ITPR3: variants seen among roughly 807,000 people sequenced by gnomAD.
ITPR3 encodes inositol 1,4,5-trisphosphate-gated calcium channel ITPR3.
ITPR3 carries 173 observed loss-of-function variants against 293.2 expected under a neutral mutation model. The observed-to-expected ratio is 0.59, with a 90% CI of 0.52 to 0.67. The LOEUF (loss-of-function observed/expected upper bound fraction) is 0.67, where lower values mean the gene tolerates loss of function less well. ITPR3 is among the 30% of genes least tolerant of loss of function. ITPR3 has a pLI of 0.00. For synonymous variants in ITPR3, 1,295 were observed against 1,444.4 expected, an observed-to-expected ratio of 0.90 and a Z score of 2.35; for missense variants, 2,796 against 3,592.1, an observed-to-expected ratio of 0.78 and a Z score of 5.66.
In ITPR3 at chr6:33,692,118, C is replaced by T. The variant is rs1203002781; in HGVS notation, c.7458+190C>T. Among the ~76,000 whole-genome samples the T allele has an allele frequency of 1.3e-5, 2 of 152,262 alleles. No homozygotes were observed. Among genetic ancestry groups the T allele is most frequent in the Non-Finnish European group, 2.9e-5 (2 of 68,042 alleles). On this transcript the variant is annotated intron_variant, in intron 54 of 57. Coordinates refer to ENST00000605930, the MANE Select transcript of ITPR3 (RefSeq NM_002224.4). This position sits in a 1 kb window ranked among gnomAD's most constrained non-coding sequence, Gnocchi z 4.2. ...TGATATTACTGCTTAGCTGCCCCCT[C>T]ACCCTCCCATTCCATAAGGAAAGAC... is the stretch of plus-strand genomic sequence containing the variant.
In ITPR3 at chr6:33,658,751, ACT is replaced by A; in HGVS notation, c.454_455del (p.Leu152GlyfsTer103). Reference sequence around the variant, plus strand: ...GCTGGAGAAGAACGCCATGCGGGTGACTCTGGATGCCACAGGCAACGAGGGTT... The same window carrying A: ...GCTGGAGAAGAACGCCATGCGGGTGACTGGATGCCACAGGCAACGAGGGTT... Reference protein sequence around the residue: ...ALLEKNAMRVTLDATGNEGSW... With the variant: ...ALLEKNAMRVXLDATGNEGSW... On this transcript the variant is annotated frameshift_variant, in exon 5 of 58. Coordinates refer to ENST00000605930, the MANE Select transcript of ITPR3 (RefSeq NM_002224.4). LOFTEE classifies it high-confidence loss of function. This position sits in a 1 kb window ranked among gnomAD's most constrained non-coding sequence, Gnocchi z 6.1. 1 of 1,614,136 alleles carries A rather than the reference ACT, an allele frequency of 6.2e-7. No individual in the cohort carries two copies. Among genetic ancestry groups the A allele is most frequent in the Non-Finnish European group, 8.5e-7 (1 of 1,180,008 alleles).
intron 41 of ITPR3, 56 bp from the exon 42 acceptor site, chr6:33,685,997 C>A: frequency 6.3e-7 from 1 of 1,594,716 alleles, no homozygotes; most frequent in Non-Finnish European, 8.6e-7. Flanking sequence ...CTTCCCAGGC[C>A]AGCCTCCCTC....
In ITPR3 at chr6:33,690,955, C is replaced by T. The variant is rs35394497; in HGVS notation, c.7071C>T (p.Asn2357=). ...TCTACCGCGAGGAGACGCTGTTCAA[C>T]GTCATCAAGAGTGTGACCCGCAATG... ...DLIYREETLF[N]VIKSVTRNGR... The change falls in exon 52 of 58, where the codon AAC becomes AAT. Residue 2357 remains asparagine, a synonymous_variant. Transcript: ENST00000605930. The T allele has an allele frequency of 6.6e-4, 1,069 of 1,614,200 alleles. 9 individuals carry two copies. In the African/African-American group the frequency reaches 0.012, roughly 19 times the overall value.
intron 1 of ITPR3, among the ~76,000 whole-genome samples, chr6:33,629,572 C>G (rs1763625660): frequency 6.6e-6 from 1 of 152,032 alleles, no homozygotes; most frequent in African/African-American, 2.4e-5. Context: ...CCTCTGCCTC[C>G]CGGGTTCGAG....
Position 33,685,352 on chromosome 6 carries a change from C to T in ITPR3, c.5308-7C>T. The T allele has an allele frequency of 6.2e-7, 1 of 1,606,388 alleles. No homozygotes were observed. ...GAGGTTGTTCCCTGGCCACTGTCCACCTCCAGAAATCCTTCCACAACCTGA... is the reference window on the plus strand; with the variant it reads ...GAGGTTGTTCCCTGGCCACTGTCCATCTCCAGAAATCCTTCCACAACCTGA... On this transcript the variant is annotated splice_region_variant and splice_polypyrimidine_tract_variant and intron_variant, in intron 39 of 57. Coordinates refer to ENST00000605930, the MANE Select transcript of ITPR3 (RefSeq NM_002224.4).
Position 33,667,391 on chromosome 6 carries a change from C to T in ITPR3, c.1713+101C>T. On this transcript the variant is annotated intron_variant, in intron 15 of 57. Transcript: ENST00000605930. The surrounding 1 kb of genome is among the most constrained non-coding windows in gnomAD (Gnocchi z 4.4). ...GCTGTGCCAGGCACTGTTTTGGGGC[C>T]TAGGGTCCAGTAGGGCACCAGACAG... 1.4e-6 allele frequency: 2 copies of T among 1,447,150 alleles called. No individual in the cohort carries two copies. The highest frequency in any genetic ancestry group is 1.8e-6 in the Non-Finnish European group (2 of 1,083,430). 89.6% of individuals were successfully genotyped at this position (1,447,150 alleles called of 1,614,324 possible).
chr6:33,664,962 G>T lies in ITPR3; in HGVS notation c.1241G>T (p.Arg414Leu). 1 of 1,613,888 alleles carries T rather than the reference G, an allele frequency of 6.2e-7. No individual in the cohort carries two copies. The highest frequency in any genetic ancestry group is 8.5e-7 in the Non-Finnish European group (1 of 1,179,980). The change falls in exon 12 of 58, where the codon CGG (arginine) becomes CTG (leucine). Residue 414 changes from arginine to leucine, a missense_variant. Coordinates refer to ENST00000605930, the MANE Select transcript of ITPR3 (RefSeq NM_002224.4). This position sits in a 1 kb window ranked among gnomAD's most constrained non-coding sequence, Gnocchi z 4.4. ...GACATCGAGGAGGAGCGGCCCATCC[G>T]GCTCATGGTGCGTGTCCCTGGGGTG... is the stretch of plus-strand genomic sequence containing the variant. The part of the protein sequence containing the change: ...PIDIEEERPI[R>L]LMLGTCPTKE...
Position 33,632,954 on chromosome 6 carries a change from C to T in ITPR3, c.90-7530C>T, listed in dbSNP as rs1419914491. Among the ~76,000 whole-genome samples the T allele has an allele frequency of 6.6e-6, 1 of 152,226 alleles. No individual in the cohort carries two copies. The highest frequency in any genetic ancestry group is 1.9e-4 in the East Asian group (1 of 5,200). ...ATGGAGGCCTGGGTTGTGTCTGTGC[C>T]ATTCTCTGACCAGCTGTGTGGCTCA... On this transcript the variant is annotated intron_variant, in intron 1 of 57. Coordinates refer to ENST00000605930, the MANE Select transcript of ITPR3 (RefSeq NM_002224.4). This position sits in a 1 kb window ranked among gnomAD's most constrained non-coding sequence, Gnocchi z 4.1.
At position 33,633,745 on chromosome 6, in the gene ITPR3, C is replaced by CGCGGGG. The variant is rs1170169901; in HGVS notation, c.90-6726_90-6721dup. ...CGTGGGACGGCGAGTTTCGCTTCGC[C>CGCGGGG]GCGGGGGCGGGGGCGGGGCCGGGGC... On this transcript the variant is annotated intron_variant, in intron 1 of 57. Transcript: ENST00000605930. This position sits in a 1 kb window ranked among gnomAD's most constrained non-coding sequence, Gnocchi z 5.2. 6.4e-4 allele frequency among the ~76,000 whole-genome samples: 85 copies of CGCGGGG among 132,974 alleles called. No homozygotes were observed. The highest frequency in any genetic ancestry group is 1.1e-3 in the Non-Finnish European group (65 of 59,522). 87.2% of individuals were successfully genotyped at this position (132,974 alleles called of 152,430 possible).
intron 2 of ITPR3, among the ~76,000 whole-genome samples, chr6:33,651,027 A>G (rs1235857547): frequency 2.6e-5 from 4 of 152,074 alleles, no homozygotes; most frequent in Non-Finnish European, 5.9e-5. Flanking sequence ...CTGTAATCCC[A>G]GCACTTTGGG....
intron 50 of ITPR3, 105 bp downstream of exon 50, chr6:33,689,515 C>A: frequency 7.7e-7 from 1 of 1,306,886 alleles, no homozygotes; most frequent in Non-Finnish European, 1.1e-6. Flanking sequence ...CTGTCCCATC[C>A]CCTCCTCTCT....
Position 33,658,756 on chromosome 6 carries a change from G to C in ITPR3, c.456G>C (p.Leu152=). The part of the protein sequence containing the change: ...LLEKNAMRVT[L]DATGNEGSWL... ...AGAAGAACGCCATGCGGGTGACTCT[G>C]GATGCCACAGGCAACGAGGGTTCCT... Residue 152 remains leucine, a synonymous_variant, in exon 5 of 58, where the codon CTG becomes CTC. Coordinates refer to ENST00000605930, the MANE Select transcript of ITPR3 (RefSeq NM_002224.4). The surrounding 1 kb of genome is among the most constrained non-coding windows in gnomAD (Gnocchi z 6.1). 2 of 1,614,210 alleles carry C rather than the reference G, an allele frequency of 1.2e-6. No individual in the cohort carries two copies. The highest frequency in any genetic ancestry group is 1.7e-6 in the Non-Finnish European group (2 of 1,180,030).
At chr6:33,635,723 T>G (rs1403259506) in intron 1 of ITPR3, among the ~76,000 whole-genome samples, 1 of 151,696 alleles carries the variant, frequency 6.6e-6, no homozygotes, top group Non-Finnish European at 1.5e-5. Context: ...AGCCCAGATC[T>G]GAAGGAGGTG....
Position 33,691,196 on chromosome 6 carries a change from G to A in ITPR3, c.7225+87G>A, listed in dbSNP as rs1765379554. 5.4e-6 allele frequency: 7 copies of A among 1,308,144 alleles called. No homozygotes were observed. The highest frequency in any genetic ancestry group is 2.6e-5 in the South Asian group (2 of 76,884). The allele number at this position is 1,308,144 out of a possible 1,614,324, so 81.0% of individuals were successfully genotyped here. A position where few individuals can be genotyped will look rare whatever the true frequency, so the allele number is the denominator to read the frequency against. ...TGGCGTCAGGACCAGGACCTGCAGC[G>A]CTTACCTCACCAGGCTCCCGTCTGC... On this transcript the variant is annotated intron_variant, in intron 52 of 57. Coordinates refer to ENST00000605930, the MANE Select transcript of ITPR3 (RefSeq NM_002224.4). The surrounding 1 kb of genome is among the most constrained non-coding windows in gnomAD (Gnocchi z 4.9).
chr6:33,651,563 T>TG (rs1764192948), intron 2 of ITPR3, among the ~76,000 whole-genome samples: 1 of 152,198 alleles, frequency 6.6e-6, no homozygotes, highest in Admixed American at 6.5e-5. Context: ...GGCCTGGGCA[T>TG]GGACCTCTGA....
chr6:33,678,602 G>A, intron 29 of ITPR3, 37 bp from the exon 30 acceptor site: 1 of 1,455,550 alleles, frequency 6.9e-7, no homozygotes, highest in Non-Finnish European at 9.5e-7. Flanking sequence ...TGGGGGCGGG[G>A]CCCAGATCTC....
intron 29 of ITPR3, 41 bp from the exon 30 acceptor site, chr6:33,678,598 C>CGGGGGGGGGTGTGGGGGGGGGGGGGG: frequency 9.1e-7 from 1 of 1,100,336 alleles, no homozygotes; most frequent in Non-Finnish European, 1.3e-6. Context: ...GGGGTGGGGG[C>CGGGGGGGGGTGTGGGGGGGGGGGGGG]GGGGCCCAGA....
chr6:33,688,997 G>A (rs762513034), intron 49 of ITPR3, among the ~76,000 whole-genome samples: 122 of 152,348 alleles, frequency 8.0e-4, no homozygotes, highest in Admixed American at 3.1e-3. Flanking sequence ...GGGAGATGGC[G>A]CATGCAGGCA....
In ITPR3 at chr6:33,691,066, C is replaced by T; in HGVS notation, c.7182C>T (p.Asp2394=). 2 of 1,614,204 alleles carry T rather than the reference C, an allele frequency of 1.2e-6. No homozygotes were observed. The highest frequency in any genetic ancestry group is 1.7e-6 in the Non-Finnish European group (2 of 1,180,038). The change falls in exon 52 of 58, where the codon GAC becomes GAT. Residue 2394 remains aspartate (D), a synonymous_variant. Transcript: ENST00000605930. This position sits in a 1 kb window ranked among gnomAD's most constrained non-coding sequence, Gnocchi z 4.9. ...TCGGCTTCCTCTTCCTCAAGGATGA[C>T]TTCATTCTCGAGGTCGACCGGCTGC... ...SIVGFLFLKD[D]FILEVDRLPN... is the part of the protein sequence containing the mutation.
Sources: gnomAD v4.1 joint callset for allele counts (sites outside exome capture counted in the v4.1 genomes callset) on GRCh38, gnomAD v4.1.1 for gene constraint, Gnocchi (gnomAD v3.1) non-coding constraint, MANE v1.5 for transcripts, NCBI Gene and HGNC (gene_info 2026-07-23, HGNC 2026-07-21) for gene names.